Variants in AGBL1 observed in about 807,000 individuals in gnomAD.
AGBL1 encodes AGBL carboxypeptidase 1.
Under a neutral mutation model 118.9 loss-of-function variants are expected in AGBL1, and 130 were observed. The ratio of observed to expected loss-of-function variants is 1.09; its 90% CI spans 0.95 to 1.26. AGBL1 has a LOEUF of 1.26. Ranked by LOEUF, AGBL1 falls within the 50% of genes most tolerant of loss-of-function variation. The pLI is 0.00. For missense variants in AGBL1, 1,584 were observed against 1,298.1 expected (o/e 1.22, Z -3.38); for synonymous variants, 555 against 478.9 (o/e 1.16, Z -2.08).
intron 22 of AGBL1, among the ~76,000 whole-genome samples, chr15:86,678,458 G>A (rs560843840): frequency 3.7e-4 from 56 of 151,942 alleles, no homozygotes; most frequent in Admixed American, 1.3e-3. Context: ...TCCTAATCAC[G>A]TCTTTGTGCA....
intron 1 of AGBL1, among the ~76,000 whole-genome samples, chr15:86,131,537 C>T (rs879439097): frequency 2.6e-5 from 4 of 151,920 alleles, no homozygotes; most frequent in African/African-American, 4.8e-5. Context: ...TTCTCTTGGC[C>T]TCAATTTCCT....
At chr15:86,110,404 AGT>A (rs1363018532) in intron 1 of AGBL1, among the ~76,000 whole-genome samples, 4 of 152,072 alleles carry the variant, frequency 2.6e-5, no homozygotes, top group African/African-American at 9.7e-5. Context: ...GAGAAAACAA[AGT>A]GTTATTAAAA....
chr15:86,132,191 C>G (rs1409618641), intron 1 of AGBL1, among the ~76,000 whole-genome samples: 2 of 152,164 alleles, frequency 1.3e-5, no homozygotes, highest in East Asian at 1.9e-4. Flanking sequence ...CTTCATAATT[C>G]TGCTTTAGAC....
At chr15:86,414,777 C>A (rs530824001) in intron 18 of AGBL1, among the ~76,000 whole-genome samples, 2 of 152,174 alleles carry the variant, frequency 1.3e-5, no homozygotes, top group South Asian at 4.2e-4. Flanking sequence ...CAATGTTTCC[C>A]CAGGCTTTTA....
At chr15:86,986,879 G>C (rs8039817) in intron 23 of AGBL1, among the ~76,000 whole-genome samples, 2 of 152,086 alleles carry the variant, frequency 1.3e-5, no homozygotes, top group African/African-American at 4.8e-5. Context: ...GGGTTCAGGC[G>C]GGCTGAGTCT....
chr15:86,726,984 CTT>C (rs141451166), intron 22 of AGBL1, among the ~76,000 whole-genome samples: 6,717 of 152,150 alleles, frequency 0.044, 360 homozygotes, highest in African/African-American at 0.13. Context: ...GCTTTTGAGT[CTT>C]GGCACAGTTA....
intron 17 of AGBL1, among the ~76,000 whole-genome samples, chr15:86,332,171 C>T (rs1261201684): frequency 6.6e-6 from 1 of 152,122 alleles, no homozygotes; most frequent in African/African-American, 2.4e-5. Flanking sequence ...CAAAAAAGGG[C>T]ATTATGTGAT....
intron 22 of AGBL1, among the ~76,000 whole-genome samples, chr15:86,714,660 C>T (rs1447020739): frequency 2.0e-5 from 3 of 152,172 alleles, no homozygotes; most frequent in Non-Finnish European, 4.4e-5. Context: ...CTGACAAAGT[C>T]CTCTACTGTG....
intron 22 of AGBL1, among the ~76,000 whole-genome samples, chr15:86,898,615 C>T (rs1294131788): frequency 2.0e-5 from 3 of 152,054 alleles, no homozygotes; most frequent in African/African-American, 7.2e-5. Flanking sequence ...AACAGAAAAT[C>T]TACAGAATGA....
chr15:86,086,934 T>G lies in AGBL1; in HGVS notation c.51+6911T>G, dbSNP rs117351067. ...GTGCTGCTTTGCACATTCCAGTACA[T>G]GTCTTTGTGAACAAATGTATGCCTG... On this transcript the variant is annotated intron_variant, in intron 1 of 22. Coordinates refer to ENST00000614907, the MANE Select transcript of AGBL1 (RefSeq NM_001386094.1). 9.4e-3 allele frequency among the ~76,000 whole-genome samples: 1,428 copies of G among 152,342 alleles called. 17 individuals carry two copies. Among genetic ancestry groups the G allele is most frequent in the Non-Finnish European group, 0.015 (1,000 of 68,032 alleles).
chr15:86,621,758 C>T (rs1031504314), intron 21 of AGBL1, among the ~76,000 whole-genome samples: 6 of 152,204 alleles, frequency 3.9e-5, no homozygotes, highest in African/African-American at 1.4e-4. Context: ...TTCTCTCTCA[C>T]ACTCAGTTTC....
Position 86,141,650 on chromosome 15 carries a change from T to TAAATAA in AGBL1, c.52-341_52-336dup, listed in dbSNP as rs1329576486. 2.2e-4 allele frequency among the ~76,000 whole-genome samples: 33 copies of TAAATAA among 152,150 alleles called. 1 individual carries two copies. The highest frequency in any genetic ancestry group is 2.0e-3 in the Admixed American group (31 of 15,284). On this transcript the variant is annotated intron_variant, in intron 1 of 22. Transcript: ENST00000614907. Reference sequence around the variant, plus strand: ...TGGGCAACAGAGCAAGACTTCATCTTAAATAAAAATAAAAATAAGCCAAGC... The same window carrying TAAATAA: ...TGGGCAACAGAGCAAGACTTCATCTTAAATAAAAATAAAAATAAAAATAAGCCAAGC...
intron 19 of AGBL1, among the ~76,000 whole-genome samples, chr15:86,534,835 T>A (rs1240054231): frequency 6.6e-6 from 1 of 152,080 alleles, no homozygotes; most frequent in African/African-American, 2.4e-5. Context: ...AAGTATAAGA[T>A]CAGTGAAAGT....
intron 22 of AGBL1, among the ~76,000 whole-genome samples, chr15:86,779,562 T>C (rs760070954): frequency 1.3e-5 from 2 of 152,188 alleles, no homozygotes; most frequent in Non-Finnish European, 2.9e-5. Flanking sequence ...ATTATTTGGG[T>C]ATAAATTTAA....
intron 21 of AGBL1, among the ~76,000 whole-genome samples, chr15:86,646,993 A>G (rs960505549): frequency 1.3e-5 from 2 of 152,144 alleles, no homozygotes; most frequent in Non-Finnish European, 2.9e-5. Context: ...AATGTATTTG[A>G]ACACATTGTT....
chr15:86,430,136 T>C (rs2081917429), intron 18 of AGBL1, among the ~76,000 whole-genome samples: 1 of 152,196 alleles, frequency 6.6e-6, no homozygotes, highest in South Asian at 2.1e-4. Flanking sequence ...GCATATGTTT[T>C]AGTTGTGATA....
chr15:86,558,339 A>C (rs1325677128), intron 21 of AGBL1, among the ~76,000 whole-genome samples: 2 of 152,178 alleles, frequency 1.3e-5, no homozygotes, highest in Admixed American at 1.3e-4. Flanking sequence ...CCTGCAGCCT[A>C]CATCCAATAG....
chr15:87,003,788 ATGGTAGTTTGTATT>A (rs1213495146), intron 24 of AGBL1, among the ~76,000 whole-genome samples: 6 of 152,116 alleles, frequency 3.9e-5, no homozygotes, highest in Non-Finnish European at 8.8e-5. Context: ...GTATTCTCTG[ATGGTAGTTTGTATT>A]TCTGTGGGAT....
At chr15:86,881,721 G>A (rs1287912862) in intron 22 of AGBL1, among the ~76,000 whole-genome samples, 3 of 152,046 alleles carry the variant, frequency 2.0e-5, no homozygotes, top group Non-Finnish European at 4.4e-5. Context: ...TGCAACCTCC[G>A]CCTCCCGGGT....
Sources: allele counts gnomAD v4.1 joint callset (sites outside exome capture counted in the v4.1 genomes callset), GRCh38; gene constraint gnomAD v4.1.1; transcripts MANE v1.5; gene names NCBI Gene and HGNC (gene_info 2026-07-23, HGNC 2026-07-21).